CDH26: variants seen among roughly 807,000 people sequenced by gnomAD.
CDH26 encodes the protein cadherin-like protein 26.
In CDH26, 83 loss-of-function variants were observed where a neutral mutation model predicts 90.3. That is an observed-to-expected ratio of 0.92 (90% confidence interval 0.77 to 1.10). The LOEUF (loss-of-function observed/expected upper bound fraction) is 1.10, where lower values mean the gene tolerates loss of function less well. CDH26 is among the 50% of genes least tolerant of loss of function. CDH26 has a pLI of 0.00. For missense variants in CDH26, 1,013 were observed against 1,037.6 expected, an observed-to-expected ratio of 0.98 and a Z score of 0.33; for synonymous variants, 397 against 396.3, an observed-to-expected ratio of 1.00 and a Z score of -0.02.
At chr20:60,006,835 C>T (rs887971449) in intron 17 of CDH26, 48 bp downstream of exon 17, 1 of 1,380,390 alleles carries the variant, frequency 7.2e-7, no homozygotes, top group Non-Finnish European at 1.0e-6. Context: ...GGTTTTGCAT[C>T]CCCACTGTGC....
intron 4 of CDH26, among the ~76,000 whole-genome samples, chr20:59,977,900 T>C (rs1238041892): frequency 6.6e-6 from 1 of 152,132 alleles, no homozygotes; most frequent in Non-Finnish European, 1.5e-5. Context: ...GCTCTAAAAC[T>C]CTCTGGGCTC....
intron 7 of CDH26, among the ~76,000 whole-genome samples, chr20:60,029,705 G>A (rs921402606): frequency 3.3e-5 from 5 of 151,790 alleles, no homozygotes; most frequent in South Asian, 2.1e-4. Flanking sequence ...CTCATTGCTC[G>A]ACTCCCAGTT....
At chr20:59,964,060 G>A (rs144864934) in intron 1 of CDH26, among the ~76,000 whole-genome samples, 5 of 152,266 alleles carry the variant, frequency 3.3e-5, no homozygotes, top group Admixed American at 3.3e-4. Context: ...ACATAAACCT[G>A]CAGAACAGAG....
intron 3 of CDH26, 47 bp from the exon 4 acceptor site, chr20:59,971,915 T>G (rs778782357): frequency 6.6e-7 from 1 of 1,513,760 alleles, no homozygotes; most frequent in Non-Finnish European, 9.1e-7. Flanking sequence ...TCATAGTGGC[T>G]TATTCTCATC....
At chr20:60,019,304 A>G (rs2061933236), downstream of CDH26, among the ~76,000 whole-genome samples, 1 of 152,276 alleles carries the variant, frequency 6.6e-6, no homozygotes, top group African/African-American at 2.4e-5. Flanking sequence ...AATATATTTC[A>G]TACACCTTTT....
intron 9 of CDH26, among the ~76,000 whole-genome samples, chr20:59,990,411 C>T (rs2061514029): frequency 1.3e-5 from 2 of 152,086 alleles, no homozygotes; most frequent in African/African-American, 4.8e-5. Flanking sequence ...AGGCTGAGCT[C>T]AGCAGTTGGC....
At chr20:59,977,278 A>AATCC in intron 4 of CDH26, among the ~76,000 whole-genome samples, 1 of 152,244 alleles carries the variant, frequency 6.6e-6, no homozygotes, top group African/African-American at 2.4e-5. Flanking sequence ...GACCCTTGAG[A>AATCC]ATCCAGTGGT....
intron 4 of CDH26, among the ~76,000 whole-genome samples, chr20:59,979,780 C>T (rs1010115274): frequency 7.9e-5 from 12 of 151,656 alleles, no homozygotes; most frequent in African/African-American, 2.9e-4. Context: ...GCACCCACCA[C>T]CACACCTGGC....
At chr20:59,982,327 G>T (rs911577823) in intron 4 of CDH26, among the ~76,000 whole-genome samples, 1 of 152,096 alleles carries the variant, frequency 6.6e-6, no homozygotes, top group African/African-American at 2.4e-5. Context: ...GATTTATTAT[G>T]ATGTCTTTTT....
At chr20:59,976,437 G>A (rs974445470) in intron 4 of CDH26, among the ~76,000 whole-genome samples, 11 of 152,144 alleles carry the variant, frequency 7.2e-5, no homozygotes, top group South Asian at 2.1e-4. Flanking sequence ...GGTCTCATAC[G>A]TAGCTTTAGG....
downstream of CDH26, among the ~76,000 whole-genome samples, chr20:60,034,861 G>A (rs937450388): frequency 1.2e-4 from 18 of 152,182 alleles, no homozygotes; most frequent in Non-Finnish European, 7.3e-5. Flanking sequence ...TGGAGGCTCC[G>A]GCACAGGTGG....
chr20:60,014,813 C>T (rs913630168), downstream of CDH26, among the ~76,000 whole-genome samples: 1 of 152,108 alleles, frequency 6.6e-6, no homozygotes, highest in African/African-American at 2.4e-5. Context: ...TGGACAAATG[C>T]CCAGTAGTAG....
intron 1 of CDH26, among the ~76,000 whole-genome samples, chr20:59,967,994 T>C (rs188673667): frequency 4.5e-5 from 6 of 133,474 alleles, no homozygotes; most frequent in African/African-American, 2.0e-4. Context: ...TTTCTTTCTT[T>C]CTTTCTTTCT....
intron 7 of CDH26, among the ~76,000 whole-genome samples, chr20:60,029,567 A>C (rs1445271394): frequency 2.0e-5 from 3 of 152,172 alleles, no homozygotes; most frequent in South Asian, 2.1e-4. Context: ...TGCTGTACCT[A>C]TCAACCCGTC....
chr20:60,017,872 C>A (rs1410117524), downstream of CDH26, among the ~76,000 whole-genome samples: 1 of 152,014 alleles, frequency 6.6e-6, no homozygotes, highest in African/African-American at 2.4e-5. Context: ...ACTCCTTGGT[C>A]ATCAGGAGCA....
Position 60,006,718 on chromosome 20 carries a change from C to T in CDH26, c.2226C>T (p.Tyr742=), listed in dbSNP as rs756169243. Residue 742 remains tyrosine, a synonymous_variant, in exon 17 of 18, where the codon TAC becomes TAT. Transcript: ENST00000348616. ...CTCTACTGGTTTGCTTGCAGGCTTA[C>T]CCAGATGCCACAATGCACAGACAAC... ...SVKNIHSTPA[Y]PDATMHRQLL... The T allele has an allele frequency of 2.5e-6, 4 of 1,613,670 alleles. No homozygotes were observed. In the South Asian group the frequency reaches 4.4e-5, roughly 18 times the overall value.
At chr20:60,023,817 G>C (rs1276913046) in intron 7 of CDH26, among the ~76,000 whole-genome samples, 1 of 152,192 alleles carries the variant, frequency 6.6e-6, no homozygotes, top group Non-Finnish European at 1.5e-5. Flanking sequence ...TTTCTGCAAA[G>C]CAGCCTGCTT....
chr20:59,980,134 GT>G (rs1399728740), intron 4 of CDH26, among the ~76,000 whole-genome samples: 3 of 152,194 alleles, frequency 2.0e-5, no homozygotes, highest in Middle Eastern at 3.4e-3. Flanking sequence ...GTATTGTCAG[GT>G]TTTTTCAGTT....
intron 1 of CDH26, among the ~76,000 whole-genome samples, chr20:59,967,884 C>CTCTCTCTCTCTCTCTCT (rs1569024350): frequency 2.9e-5 from 3 of 102,988 alleles, no homozygotes; most frequent in African/African-American, 1.7e-4. Flanking sequence ...TTTCTTCCTT[C>CTCTCTCTCTCTCTCTCT]CTTCCTTCCT....
Sources: gnomAD v4.1 joint callset for allele counts (sites outside exome capture counted in the v4.1 genomes callset) on GRCh38, gnomAD v4.1.1 for gene constraint, MANE v1.5 for transcripts, NCBI Gene and HGNC (gene_info 2026-07-23, HGNC 2026-07-21) for gene names.